ADAMTS9: variants seen among roughly 807,000 people sequenced by gnomAD.
ADAMTS9 encodes A disintegrin and metalloproteinase with thrombospondin motifs 9.
A neutral mutation model predicts 257.1 loss-of-function variants in ADAMTS9; 107 were observed. That is an observed-to-expected ratio of 0.42 (90% CI 0.36 to 0.49). The LOEUF (loss-of-function observed/expected upper bound fraction) is 0.49. Among genes scored for constraint, ADAMTS9 ranks in the 20% least tolerant of loss-of-function variants. The pLI, the probability that ADAMTS9 is intolerant of heterozygous loss-of-function variation, is 0.03. For synonymous variants in ADAMTS9, 982 were observed against 880.9 expected, an observed-to-expected ratio of 1.11 and a Z score of -2.03; for missense variants, 2,353 against 2,469.1, an observed-to-expected ratio of 0.95 and a Z score of 1.00.
intron 26 of ADAMTS9, among the ~76,000 whole-genome samples, chr3:64,600,671 T>A (rs1257362527): frequency 1.3e-5 from 2 of 152,192 alleles, no homozygotes; most frequent in Non-Finnish European, 2.9e-5. Context: ...CTGAAATCTC[T>A]TCTAATCTAG....
chr3:64,639,703 G>A (rs944284180), intron 12 of ADAMTS9, among the ~76,000 whole-genome samples: 4 of 152,094 alleles, frequency 2.6e-5, no homozygotes, highest in Non-Finnish European at 5.9e-5. Flanking sequence ...TTTGCTCAAT[G>A]TAGCCACCAA....
intron 10 of ADAMTS9, among the ~76,000 whole-genome samples, chr3:64,649,348 C>A (rs750876985): frequency 2.6e-5 from 4 of 152,148 alleles, no homozygotes; most frequent in African/African-American, 4.8e-5. Flanking sequence ...AACTCCGTAA[C>A]CTTGCTGCCT....
intron 12 of ADAMTS9, among the ~76,000 whole-genome samples, chr3:64,638,793 G>T (rs1700564897): frequency 6.6e-6 from 1 of 151,102 alleles, no homozygotes; most frequent in African/African-American, 2.4e-5. Context: ...CTTTCAGGGG[G>T]AAAAAAACTC....
At position 64,643,445 on chromosome 3, in the gene ADAMTS9, A is replaced by ATTTTTTTTTTTTTTTTTTTTTTT. The variant is rs57471985; in HGVS notation, c.1711-1475_1711-1453dup. Among the ~76,000 whole-genome samples the ATTTTTTTTTTTTTTTTTTTTTTT allele has an allele frequency of 1.1e-4, 7 of 61,406 alleles. 2 individuals carry two copies. The highest frequency in any genetic ancestry group is 2.8e-4 in the African/African-American group (4 of 14,240). 40.3% of individuals were successfully genotyped at this position (61,406 alleles called of 152,430 possible). On this transcript the variant is annotated intron_variant, in intron 11 of 39. Coordinates refer to ENST00000498707, the MANE Select transcript of ADAMTS9 (RefSeq NM_182920.2). Reference sequence around the variant, plus strand: ...GTAGTCAACATAACATTACTCAATAATTTTTTTTTTTTTTTTTTTTTTTTT... The same window carrying ATTTTTTTTTTTTTTTTTTTTTTT: ...GTAGTCAACATAACATTACTCAATAATTTTTTTTTTTTTTTTTTTTTTTTTTTTTTTTTTTTTTTTTTTTTTTT...
intron 3 of ADAMTS9, among the ~76,000 whole-genome samples, chr3:64,668,774 C>T (rs1195159884): frequency 6.6e-6 from 1 of 152,178 alleles, no homozygotes; most frequent in Non-Finnish European, 1.5e-5. Context: ...TGACATTTCA[C>T]TGCAGCTCGT....
chr3:64,608,811 A>T (rs1431702889), intron 22 of ADAMTS9, among the ~76,000 whole-genome samples: 2 of 151,960 alleles, frequency 1.3e-5, no homozygotes, highest in Non-Finnish European at 2.9e-5. Flanking sequence ...CCCTAACACC[A>T]TAGCCGAAGA....
At position 64,622,592 on chromosome 3, in the gene ADAMTS9, G is replaced by A; in HGVS notation, c.2390-6C>T. On this transcript the variant is annotated splice_polypyrimidine_tract_variant and splice_region_variant and intron_variant, in intron 16 of 39. Transcript: ENST00000498707. ...ACCTTTACTGCTTGATAAAGCTGTA[G>A]GTGAAGAAACAGAATAATACATTGA... The A allele has an allele frequency of 6.2e-7, 1 of 1,613,520 alleles. No individual in the cohort carries two copies. The highest frequency in any genetic ancestry group is 1.1e-5 in the South Asian group (1 of 91,062).
rs773965069 is a variant in ADAMTS9, at chr3:64,541,953, A to C, written c.5082T>G (p.Gly1694=). The C allele has an allele frequency of 2.0e-5, 32 of 1,614,066 alleles. No homozygotes were observed. The South Asian group carries it at 3.5e-4, about 18-fold the overall frequency. The change falls in exon 33 of 40, where the codon GGT becomes GGG. Residue 1694 remains glycine, a synonymous_variant. Transcript: ENST00000498707. ...GNWGSCSVSC[G]VGVMQRSVQC... Reference sequence around the variant, plus strand: ...GCACAGATCTCTGCATCACTCCAACACCACAAGACACTGAGCACTGTAAGA... The same window carrying C: ...GCACAGATCTCTGCATCACTCCAACCCCACAAGACACTGAGCACTGTAAGA...
At chr3:64,618,311 C>A (rs1160010851) in intron 19 of ADAMTS9, among the ~76,000 whole-genome samples, 1 of 152,132 alleles carries the variant, frequency 6.6e-6, no homozygotes, top group African/African-American at 2.4e-5. Flanking sequence ...TATGATCTGA[C>A]GTGCTGTCCT....
At chr3:64,606,901 G>A (rs1285003546) in intron 23 of ADAMTS9, 59 bp downstream of exon 23, 4 of 1,601,614 alleles carry the variant, frequency 2.5e-6, no homozygotes, top group Non-Finnish European at 3.4e-6. Context: ...CTAAACAGCT[G>A]GGCAGTTTGG....
intron 26 of ADAMTS9, among the ~76,000 whole-genome samples, chr3:64,601,498 A>G (rs2084461305): frequency 6.6e-6 from 1 of 152,180 alleles, no homozygotes; most frequent in Non-Finnish European, 1.5e-5. Context: ...ACAATGACCT[A>G]CTACTACAAA....
chr3:64,594,278 T>G lies in ADAMTS9; in HGVS notation c.4336A>C (p.Ser1446Arg). Reference protein sequence around the residue: ...THACPHDAAWSTGPWSSCSVS... With the variant: ...THACPHDAAWRTGPWSSCSVS... ...CGTACCGAGCTCCAAGGGCCAGTAC[T>G]CCATGCAGCGTCGTGTGGACAAGCA... Residue 1446 changes from serine to arginine, a missense_variant, in exon 28 of 40, where the codon AGT becomes CGT. Ser to Arg is a moderately radical substitution (Grantham distance 110). This residue lies in a region of ADAMTS9 where 1,402 missense variants were observed against 1,441.4 expected (regional missense o/e 0.97). Transcript: ENST00000498707. The G allele has an allele frequency of 6.2e-7, 1 of 1,613,862 alleles. No individual in the cohort carries two copies.
intron 37 of ADAMTS9, among the ~76,000 whole-genome samples, chr3:64,536,661 C>A (rs2083053776): frequency 6.6e-6 from 1 of 152,164 alleles, no homozygotes; most frequent in South Asian, 2.1e-4. Context: ...TACTCCTTAC[C>A]CTCCTCCTCT....
intron 3 of ADAMTS9, among the ~76,000 whole-genome samples, chr3:64,660,099 A>C (rs1228072645): frequency 1.3e-5 from 2 of 152,250 alleles, no homozygotes; most frequent in African/African-American, 4.8e-5. Flanking sequence ...GAGTAAAAAC[A>C]GAATTTCATC....
chr3:64,637,186 T>C (rs1002052623), intron 12 of ADAMTS9, among the ~76,000 whole-genome samples: 7 of 152,346 alleles, frequency 4.6e-5, no homozygotes, highest in South Asian at 4.1e-4. Context: ...CTGATTTACA[T>C]GGACTATGTA....
chr3:64,525,990 AT>A (rs1192734690), intron 38 of ADAMTS9, among the ~76,000 whole-genome samples: 1 of 147,492 alleles, frequency 6.8e-6, no homozygotes, highest in African/African-American at 2.5e-5. Flanking sequence ...TTATATAAAA[AT>A]ATTTTATATA....
rs1273579117 is a variant in ADAMTS9 at position 64,615,971 on chromosome 3, C to T, written c.3013G>A (p.Ala1005Thr). ...ECNTGGWRYS[A>T]WTECSKSCDG... is the part of the protein sequence containing the mutation. ...GAGAGCCAACTTACTTCAGTCCAGG[C>T]AGAATAGCGCCAGCCACCCGTGTTA... The change falls in exon 20 of 40, where the codon GCC becomes ACC. Residue 1005 changes from alanine to threonine, a missense_variant. Physicochemically the swap from Ala to Thr is moderately conservative, Grantham distance 58. This residue lies in a region of ADAMTS9 where 1,402 missense variants were observed against 1,441.4 expected (regional missense o/e 0.97). Coordinates refer to ENST00000498707, the MANE Select transcript of ADAMTS9 (RefSeq NM_182920.2). 2 of 1,613,068 alleles carry T rather than the reference C, an allele frequency of 1.2e-6. No individual in the cohort carries two copies. Among genetic ancestry groups the T allele is most frequent in the South Asian group, 2.2e-5 (2 of 91,036 alleles).
At chr3:64,609,819 C>A (rs2084632581) in intron 22 of ADAMTS9, among the ~76,000 whole-genome samples, 1 of 152,006 alleles carries the variant, frequency 6.6e-6, no homozygotes, top group Admixed American at 6.6e-5. Flanking sequence ...CCCCAAATAG[C>A]CAAAATGATA....
chr3:64,652,562 C>T (rs1700956501), intron 8 of ADAMTS9, among the ~76,000 whole-genome samples: 1 of 152,112 alleles, frequency 6.6e-6, no homozygotes, highest in Non-Finnish European at 1.5e-5. Context: ...CCCACTCCCA[C>T]AATTACTTGA....
Sources: allele counts gnomAD v4.1 joint callset (sites outside exome capture counted in the v4.1 genomes callset), GRCh38; gene constraint gnomAD v4.1.1; regional missense constraint gnomAD v4.1.1; transcripts MANE v1.5; gene names NCBI Gene and HGNC (gene_info 2026-07-23, HGNC 2026-07-21).